NTRK3: variants seen among roughly 807,000 people sequenced by gnomAD.
The protein encoded by NTRK3 is NT-3 growth factor receptor.
NTRK3 carries 24 observed loss-of-function variants against 91.7 expected under a neutral mutation model. The ratio of observed to expected loss-of-function variants is 0.26; its 90% CI spans 0.19 to 0.37. The LOEUF is 0.37. Ranked by LOEUF, NTRK3 falls within the 10% of genes least tolerant of loss-of-function variation. NTRK3 has a pLI of 1.00. For synonymous variants in NTRK3, 483 were observed against 404.0 expected, an observed-to-expected ratio of 1.20 and a Z score of -2.34; for missense variants, 880 against 1,068.9, an observed-to-expected ratio of 0.82 and a Z score of 2.46.
At chr15:88,010,563 T>C (rs1321467413) in intron 14 of NTRK3, among the ~76,000 whole-genome samples, 1 of 152,224 alleles carries the variant, frequency 6.6e-6, no homozygotes, top group East Asian at 1.9e-4. Context: ...AAATGATGAA[T>C]AACATGGTGA....
At chr15:88,012,118 G>C (rs2141777359) in intron 14 of NTRK3, among the ~76,000 whole-genome samples, 1 of 152,262 alleles carries the variant, frequency 6.6e-6, no homozygotes, top group South Asian at 2.1e-4. Context: ...GCATGAAGGA[G>C]AGAGCATGCA....
intron 13 of NTRK3, among the ~76,000 whole-genome samples, chr15:88,035,605 C>T (rs1354013777): frequency 6.6e-6 from 1 of 152,192 alleles, no homozygotes; most frequent in Non-Finnish European, 1.5e-5. Flanking sequence ...CCCACGCACA[C>T]AAGGCAGAAT....
intron 13 of NTRK3, among the ~76,000 whole-genome samples, chr15:88,107,842 G>A (rs189957103): frequency 1.2e-4 from 19 of 152,188 alleles, no homozygotes; most frequent in Admixed American, 1.2e-3. Context: ...CAGTGGGAGA[G>A]CCAAACTGGA....
intron 13 of NTRK3, among the ~76,000 whole-genome samples, chr15:88,118,237 T>A (rs578155926): frequency 6.6e-6 from 1 of 152,320 alleles, no homozygotes; most frequent in South Asian, 2.1e-4. Flanking sequence ...ATGAGCTGCA[T>A]AAACGCGGGT....
At chr15:88,198,216 C>T (rs535442467) in intron 3 of NTRK3, among the ~76,000 whole-genome samples, 6 of 152,266 alleles carry the variant, frequency 3.9e-5, no homozygotes, top group South Asian at 4.2e-4. Flanking sequence ...CTGTGACAGA[C>T]GTGTAGTGTG....
intron 13 of NTRK3, among the ~76,000 whole-genome samples, chr15:88,112,784 A>AT (rs2051561320): frequency 6.6e-6 from 1 of 151,660 alleles, no homozygotes; most frequent in Non-Finnish European, 1.5e-5. Flanking sequence ...TAGCAACAGC[A>AT]CTCTCCCCCG....
chr15:88,181,168 T>C (rs576920817), intron 5 of NTRK3, among the ~76,000 whole-genome samples: 20 of 152,134 alleles, frequency 1.3e-4, no homozygotes, highest in Non-Finnish European at 2.4e-4. Flanking sequence ...TAACAAGTAC[T>C]TTGGCAAGAG....
At chr15:87,973,419 A>C (rs536455097) in intron 14 of NTRK3, among the ~76,000 whole-genome samples, 1 of 152,190 alleles carries the variant, frequency 6.6e-6, no homozygotes, top group East Asian at 1.9e-4. Flanking sequence ...TCTTGCCAGC[A>C]TATCTCCTTC....
intron 17 of NTRK3, among the ~76,000 whole-genome samples, chr15:87,910,039 G>A (rs1991980): frequency 0.21 from 31,749 of 152,112 alleles, 3,428 homozygotes; most frequent in East Asian, 0.33. Flanking sequence ...AGCAACTGGC[G>A]CTGGGCCACC....
At chr15:87,868,879 C>A (rs1299235052) in exon 19 of NTRK3, 1 of 223,656 alleles carries the variant, frequency 4.5e-6, no homozygotes, top group Non-Finnish European at 8.9e-6. Flanking sequence ...GAAAGACCTG[C>A]ACAAAAGACA....
chr15:88,009,306 T>C (rs1369364545), intron 14 of NTRK3, among the ~76,000 whole-genome samples: 5 of 152,058 alleles, frequency 3.3e-5, no homozygotes, highest in Non-Finnish European at 7.4e-5. Flanking sequence ...AGAGAGAGAA[T>C]CACAAACTAA....
exon 19 of NTRK3, chr15:87,861,616 A>G (rs936798320): frequency 1.1e-5 from 2 of 175,744 alleles, no homozygotes; most frequent in Admixed American, 6.4e-5. Context: ...TAGGGAAGGG[A>G]AAAAAAAAAT....
At chr15:88,145,670 A>G (rs931940751) in intron 6 of NTRK3, among the ~76,000 whole-genome samples, 7 of 152,138 alleles carry the variant, frequency 4.6e-5, no homozygotes, top group African/African-American at 7.2e-5. Context: ...AGCACTGAAC[A>G]TTTTCTCAAT....
chr15:88,067,385 C>T (rs1235153227), intron 13 of NTRK3, among the ~76,000 whole-genome samples: 1 of 152,220 alleles, frequency 6.6e-6, no homozygotes, highest in Non-Finnish European at 1.5e-5. Context: ...TACCATCCCT[C>T]CTGGATCTAT....
intron 6 of NTRK3, among the ~76,000 whole-genome samples, chr15:88,138,129 C>T (rs901160802): frequency 7.9e-5 from 12 of 151,886 alleles, no homozygotes; most frequent in African/African-American, 2.7e-4. Flanking sequence ...AGCGGCCGGG[C>T]GTGGTGGCTC....
At chr15:88,075,639 GTC>G (rs1049475905) in intron 13 of NTRK3, among the ~76,000 whole-genome samples, 3 of 151,992 alleles carry the variant, frequency 2.0e-5, no homozygotes, top group African/African-American at 4.8e-5. Context: ...ATTTCTAAAA[GTC>G]TCTCTCTCGA....
chr15:88,226,781 G>C (rs2050714475), intron 3 of NTRK3, among the ~76,000 whole-genome samples: 3 of 152,296 alleles, frequency 2.0e-5, no homozygotes, highest in Middle Eastern at 6.8e-3. Flanking sequence ...AACTTGTAGA[G>C]AGCCCTTAGC....
exon 19 of NTRK3, chr15:87,862,591 T>C (rs1285119407): frequency 4.4e-6 from 1 of 226,052 alleles, no homozygotes; most frequent in African/African-American, 2.2e-5. Flanking sequence ...ATGCTGACAA[T>C]TAGTTAAGAG....
intron 14 of NTRK3, among the ~76,000 whole-genome samples, chr15:88,005,587 T>A (rs1022968459): frequency 1.3e-5 from 2 of 152,134 alleles, no homozygotes; most frequent in Non-Finnish European, 2.9e-5. Flanking sequence ...TTAGACTCCA[T>A]GCATGGAACA....
Sources: allele counts gnomAD v4.1 joint callset (sites outside exome capture counted in the v4.1 genomes callset), GRCh38; gene constraint gnomAD v4.1.1; transcripts MANE v1.5; gene names NCBI Gene and HGNC (gene_info 2026-07-23, HGNC 2026-07-21).